The following CPLANE1 variants were observed in gnomAD, a reference collection of about 807,000 sequenced individuals.
CPLANE1 encodes the protein ciliogenesis and planar polarity effector complex subunit 1, also known as ciliogenesis and planar polarity effector 1.
In CPLANE1, 263 loss-of-function variants were observed where a neutral mutation model predicts 362.5. The observed-to-expected ratio is 0.73, with a 90% confidence interval of 0.66 to 0.80. CPLANE1 has a LOEUF of 0.80. Ranked by LOEUF, CPLANE1 falls within the 30% of genes least tolerant of loss-of-function variation. CPLANE1 has a pLI of 0.00. For synonymous variants in CPLANE1, 1,212 were observed against 1,302.6 expected (o/e 0.93, Z 1.50); for missense variants, 3,461 against 3,793.4 (o/e 0.91, Z 2.30).
At chr5:37,136,535 C>T (rs1009705099) in intron 46 of CPLANE1, among the ~76,000 whole-genome samples, 1 of 152,224 alleles carries the variant, frequency 6.6e-6, no homozygotes, top group Non-Finnish European at 1.5e-5. Context: ...CGATGGCCCT[C>T]TTCTCACAGC....
At chr5:37,127,278 G>A (rs1310255148) in intron 46 of CPLANE1, among the ~76,000 whole-genome samples, 4 of 151,962 alleles carry the variant, frequency 2.6e-5, no homozygotes, top group African/African-American at 9.7e-5. Context: ...TGATCTTGGG[G>A]ACCCCCAGCA....
intron 44 of CPLANE1, chr5:37,141,277 T>C: frequency 2.0e-6 from 2 of 985,362 alleles, no homozygotes; most frequent in Non-Finnish European, 2.4e-6. Context: ...TGTAAACTTC[T>C]CAGATATAAT....
chr5:37,141,162 T>C (rs1255484923), intron 44 of CPLANE1: 3 of 985,176 alleles, frequency 3.0e-6, no homozygotes, highest in African/African-American at 1.7e-5. Context: ...CAGATTTTAG[T>C]AGCCTCCTCA....
chr5:37,115,122 A>G, intron 50 of CPLANE1, 73 bp from the exon 51 acceptor site: 1 of 967,468 alleles, frequency 1.0e-6, no homozygotes, highest in East Asian at 2.5e-5. Flanking sequence ...GAGTTATTTG[A>G]GGACAGACAC....
At chr5:37,121,553 G>T in intron 49 of CPLANE1, 64 bp downstream of exon 49, 1 of 1,468,278 alleles carries the variant, frequency 6.8e-7, no homozygotes, top group Non-Finnish European at 9.5e-7. Flanking sequence ...TCACGAAAGT[G>T]CTACATTTCT....
Position 37,121,616 on chromosome 5 carries a change from C to T in CPLANE1, c.9185+1G>A, listed in dbSNP as rs1258104972. ...AAATGGCATGTGAAACCTTGTCTTA[C>T]CCTCTTGGAGAAGGGCAGTGTTGAC... On this transcript the variant is annotated splice_donor_variant, in intron 49 of 52. Coordinates refer to ENST00000651892, the MANE Select transcript of CPLANE1 (RefSeq NM_001384732.1). LOFTEE classifies it high-confidence loss of function. 6.2e-7 allele frequency: 1 copy of T among 1,613,900 alleles called. No individual in the cohort carries two copies. Among genetic ancestry groups the T allele is most frequent in the Non-Finnish European group, 8.5e-7 (1 of 1,179,886 alleles).
chr5:37,160,707 T>A (rs542520815), intron 38 of CPLANE1, among the ~76,000 whole-genome samples: 70 of 150,650 alleles, frequency 4.6e-4, no homozygotes, highest in African/African-American at 1.5e-3. Context: ...AGTCTTGCTC[T>A]GTCGCCCAGG....
At chr5:37,232,211 G>C (rs1044195210) in intron 8 of CPLANE1, among the ~76,000 whole-genome samples, 3 of 152,116 alleles carry the variant, frequency 2.0e-5, no homozygotes, top group African/African-American at 4.8e-5. Context: ...TACATATGTA[G>C]GGACTTGTTT....
intron 41 of CPLANE1, among the ~76,000 whole-genome samples, chr5:37,157,072 AT>A (rs1775322470): frequency 6.6e-6 from 1 of 152,216 alleles, no homozygotes; most frequent in Non-Finnish European, 1.5e-5. Flanking sequence ...AAGAATATTT[AT>A]TTTTAGCCCT....
chr5:37,180,842 T>C lies in CPLANE1; in HGVS notation c.5570+15A>G. The stretch of plus-strand genomic sequence containing the variant: ...ATGTCTTATATTGAAAAGAAGAGTA[T>C]AATCGGCAACTTACTTCAAGATATT... On this transcript the variant is annotated intron_variant, in intron 27 of 52. Coordinates refer to ENST00000651892, the MANE Select transcript of CPLANE1 (RefSeq NM_001384732.1). 1 of 1,612,360 alleles carries C rather than the reference T, an allele frequency of 6.2e-7. No individual in the cohort carries two copies. Among genetic ancestry groups the C allele is most frequent in the South Asian group, 1.1e-5 (1 of 91,024 alleles).
At chr5:37,094,004 A>AG in the CPLANE1 span, among the ~76,000 whole-genome samples, 2,946 of 90,322 alleles carry the variant, frequency 0.033, 110 homozygotes, top group African/African-American at 0.19. Flanking sequence ...TAGCGCTGGG[A>AG]GGGGTGGAGC....
chr5:37,154,029 T>G, intron 41 of CPLANE1, 36 bp from the exon 42 acceptor site: 1 of 1,543,040 alleles, frequency 6.5e-7, no homozygotes, highest in Non-Finnish European at 8.8e-7. Context: ...GAATTGATTA[T>G]AATTAAAGAA....
chr5:37,198,954 G>A, intron 19 of CPLANE1, 88 bp from the exon 20 acceptor site: 2 of 1,213,514 alleles, frequency 1.6e-6, no homozygotes, highest in African/African-American at 3.1e-5. Flanking sequence ...CTAATGAGCT[G>A]AGCACAGTGG....
At position 37,138,710 on chromosome 5, in the gene CPLANE1, C is replaced by T. The variant is rs1392815570; in HGVS notation, c.8792+10G>A. On this transcript the variant is annotated intron_variant, in intron 46 of 52. Transcript: ENST00000651892. ...TTAAACAGGTTAAAAATGAATTATT[C>T]AATGATTACCTGGAGGTGCCCATAG... The T allele has an allele frequency of 6.3e-7, 1 of 1,598,624 alleles. No homozygotes were observed. The highest frequency in any genetic ancestry group is 1.1e-5 in the South Asian group (1 of 87,076).
Position 37,182,770 on chromosome 5 carries a change from G to T in CPLANE1, c.5411C>A (p.Ala1804Asp). ...AATTGATATGCTTACCTTAATAATG[G>T]CATTTTTTGCCTTATATGTAGCAAA... ...PYFATYKAKNAIIKMVENRDT... is the reference protein window; with the variant it reads ...PYFATYKAKNDIIKMVENRDT... Residue 1804 changes from alanine (A) to aspartate (D), a missense_variant, in exon 26 of 53, where the codon GCC (alanine) becomes GAC (aspartate). By Grantham distance (126) the Ala-to-Asp change is moderately radical (BLOSUM62 -2). Transcript: ENST00000651892. 1 of 1,598,374 alleles carries T rather than the reference G, an allele frequency of 6.3e-7. No homozygotes were observed. Among genetic ancestry groups the T allele is most frequent in the Non-Finnish European group, 8.5e-7 (1 of 1,169,770 alleles).
intron 46 of CPLANE1, among the ~76,000 whole-genome samples, chr5:37,130,953 AC>A (rs1376940218): frequency 6.6e-6 from 1 of 152,210 alleles, no homozygotes; most frequent in Non-Finnish European, 1.5e-5. Flanking sequence ...GTTCACTGAA[AC>A]AGTTATATAT....
At chr5:37,170,448 G>A in intron 32 of CPLANE1, 117 bp from the exon 33 acceptor site, 2 of 1,079,536 alleles carry the variant, frequency 1.9e-6, no homozygotes, top group South Asian at 1.7e-5. Context: ...ATATCTATGA[G>A]AATCATGAAT....
Position 37,180,167 on chromosome 5 carries a change from C to A in CPLANE1, c.5587G>T (p.Ala1863Ser). The A allele has an allele frequency of 2.0e-6, 3 of 1,499,436 alleles. No individual in the cohort carries two copies. The South Asian group carries it at 4.1e-5, about 21-fold the overall frequency. The allele number at this position is 1,499,436 out of a possible 1,614,324, so 92.9% of individuals were successfully genotyped here. ...QNILNRMPTE[A>S]KNPDIKEIND... ...ATTTCTTTTATATCAGGATTTTTTGCTTCAGTTGGCATTCTACTGAAAAAA... is the reference window on the plus strand; with the variant it reads ...ATTTCTTTTATATCAGGATTTTTTGATTCAGTTGGCATTCTACTGAAAAAA... Residue 1863 changes from alanine to serine, a missense_variant, in exon 28 of 53, where the codon GCA (alanine) becomes TCA (serine). This residue lies in a region of CPLANE1 where 3,380 missense variants were observed against 3,666.1 expected (regional missense o/e 0.92). Coordinates refer to ENST00000651892, the MANE Select transcript of CPLANE1 (RefSeq NM_001384732.1).
At chr5:37,098,385 C>T in the CPLANE1 span, among the ~76,000 whole-genome samples, 15 of 110,810 alleles carry the variant, frequency 1.4e-4, no homozygotes, top group Admixed American at 3.1e-4. Context: ...AGCAAAACTC[C>T]GTCTCAAAAA....
Sources: gnomAD v4.1 joint callset for allele counts (sites outside exome capture counted in the v4.1 genomes callset) on GRCh38, gnomAD v4.1.1 for gene constraint, gnomAD v4.1.1 regional missense constraint, MANE v1.5 for transcripts, NCBI Gene and HGNC (gene_info 2026-07-23, HGNC 2026-07-21) for gene names.